The following PIM1 variants were observed in gnomAD, a reference collection of about 807,000 sequenced individuals.
The protein encoded by PIM1 is serine/threonine-protein kinase pim-1.
PIM1 carries 9 observed loss-of-function variants against 34.5 expected under a neutral mutation model. The observed-to-expected ratio is 0.26, with a 90% confidence interval of 0.16 to 0.46. The LOEUF is 0.46. Ranked by LOEUF, PIM1 falls within the 20% of genes least tolerant of loss-of-function variation. PIM1 has a pLI of 1.00. For synonymous variants in PIM1, 199 were observed against 175.2 expected (o/e 1.14, Z -1.07); for missense variants, 274 against 410.9 (o/e 0.67, Z 2.88).
Position 37,174,645 on chromosome 6 carries a change from C to A in PIM1, c.*554C>A. ...TTTGTTCCCTATTTTTCTCTCCTGT[C>A]CTCCCTCACCCCCTCCTTCATATGA... On this transcript the variant is annotated 3_prime_UTR_variant, in exon 6 of 6. Coordinates refer to ENST00000373509, the MANE Select transcript of PIM1 (RefSeq NM_002648.4). 1 of 233,908 alleles carries A rather than the reference C, an allele frequency of 4.3e-6. No homozygotes were observed. The highest frequency in any genetic ancestry group is 8.5e-6 in the Non-Finnish European group (1 of 118,224). The allele number at this position is 233,908 out of a possible 1,614,324, so 14.5% of individuals were successfully genotyped here. A position where few individuals can be genotyped will look rare whatever the true frequency, so the allele number is the denominator to read the frequency against.
rs1762288858 is a variant in PIM1, at chr6:37,171,639, C to T, written c.607+148C>T. 6 of 955,820 alleles carry T rather than the reference C, an allele frequency of 6.3e-6. No homozygotes were observed. In the African/African-American group the frequency reaches 8.3e-5, roughly 13 times the overall value. The allele number at this position is 955,820 out of a possible 1,614,324, so 59.2% of individuals were successfully genotyped here. ...TAGCCGGGGTGGGACGCAGGAGAGC[C>T]TCCCAGCGTAGTAAAGCCGGGGATT... On this transcript the variant is annotated intron_variant, in intron 4 of 5. Coordinates refer to ENST00000373509, the MANE Select transcript of PIM1 (RefSeq NM_002648.4).
intron 5 of PIM1, 46 bp downstream of exon 5, chr6:37,173,218 G>T: frequency 6.4e-7 from 1 of 1,560,626 alleles, no homozygotes; most frequent in South Asian, 1.1e-5. Flanking sequence ...GTCTTAATGG[G>T]GCTATTAGTC....
intron 4 of PIM1, chr6:37,172,319 T>G (rs1472251667): frequency 1.3e-5 from 4 of 306,724 alleles, no homozygotes; most frequent in African/African-American, 2.2e-5. Context: ...GGCCGGGTCC[T>G]CCCATGTTTT....
At position 37,171,358 on chromosome 6, in the gene PIM1, C is replaced by T. The variant is rs759215860; in HGVS notation, c.474C>T (p.Cys158=). The T allele has an allele frequency of 1.9e-5, 30 of 1,613,896 alleles. No homozygotes were observed. Among genetic ancestry groups the T allele is most frequent in the African/African-American group, 4.0e-5 (3 of 74,946 alleles). Reference sequence around the variant, plus strand: ...AGGTGCTGGAGGCCGTGCGGCACTGCCACAACTGCGGGGTGCTCCACCGCG... The same window carrying T: ...AGGTGCTGGAGGCCGTGCGGCACTGTCACAACTGCGGGGTGCTCCACCGCG... The part of the protein sequence containing the change: ...FWQVLEAVRH[C]HNCGVLHRDI... The change falls in exon 4 of 6, where the codon TGC becomes TGT. Residue 158 remains cysteine, a synonymous_variant. Transcript: ENST00000373509.
chr6:37,170,989 C>T lies in PIM1; in HGVS notation c.198C>T (p.Ile66=), dbSNP rs1033497376. The stretch of plus-strand genomic sequence containing the variant: ...AGACCCTGGGCTTCCAGGTGGCCAT[C>T]AAACACGTGGAGAAGGACCGGATTT... ...IRVSDNLPVA[I]KHVEKDRISD... The change falls in exon 3 of 6, where the codon ATC becomes ATT. Residue 66 remains isoleucine (I), a synonymous_variant. Coordinates refer to ENST00000373509, the MANE Select transcript of PIM1 (RefSeq NM_002648.4). 6.2e-7 allele frequency: 1 copy of T among 1,614,068 alleles called. No homozygotes were observed. The highest frequency in any genetic ancestry group is 8.5e-7 in the Non-Finnish European group (1 of 1,179,992).
rs1400741538 is a variant in PIM1 at position 37,170,337 on chromosome 6, C to A, written c.-239C>A. 5 of 1,496,400 alleles carry A rather than the reference C, an allele frequency of 3.3e-6. No individual in the cohort carries two copies. Among genetic ancestry groups the A allele is most frequent in the African/African-American group, 1.5e-5 (1 of 68,720 alleles). 92.7% of individuals were successfully genotyped at this position (1,496,400 alleles called of 1,614,324 possible). ...GAGCCCCACGAGCCGCTCACCCCGC[C>A]GTTCTCAGCGCTGCCCGACCCCGCT... On this transcript the variant is annotated 5_prime_UTR_variant, in exon 1 of 6. Coordinates refer to ENST00000373509, the MANE Select transcript of PIM1 (RefSeq NM_002648.4).
At chr6:37,171,539 G>A (rs771551633) in intron 4 of PIM1, 48 bp downstream of exon 4, 35 of 1,588,338 alleles carry the variant, frequency 2.2e-5, no homozygotes, top group Non-Finnish European at 3.0e-5. Context: ...GGCCCGGCCC[G>A]GCCCAGTCCG....
At chr6:37,173,581 A>G (rs1053753055) in intron 5 of PIM1, among the ~76,000 whole-genome samples, 1 of 152,100 alleles carries the variant, frequency 6.6e-6, no homozygotes, top group African/African-American at 2.4e-5. Context: ...TCGTGTTTGT[A>G]AGTTGGTAGG....
Position 37,172,996 on chromosome 6 carries a change from GGACCC to G in PIM1, c.611_615del (p.Thr204SerfsTer3). 6.2e-7 allele frequency: 1 copy of G among 1,613,850 alleles called. No homozygotes were observed. On this transcript the variant is annotated frameshift_variant and splice_region_variant, in exon 5 of 6. Transcript: ENST00000373509. LOFTEE classifies it high-confidence loss of function. ...TCTCTTCTATTCCCTTGGCTCACAGGGACCCGAGTGTATAGCCCTCCAGAGTGGAT... is the reference window on the plus strand; with the variant it reads ...TCTCTTCTATTCCCTTGGCTCACAGGGAGTGTATAGCCCTCCAGAGTGGAT...
chr6:37,171,388 C>T lies in PIM1; in HGVS notation c.504C>T (p.Ile168=). 6.2e-7 allele frequency: 1 copy of T among 1,614,112 alleles called. No individual in the cohort carries two copies. The highest frequency in any genetic ancestry group is 8.5e-7 in the Non-Finnish European group (1 of 1,180,052). ...CHNCGVLHRD[I]KDENILIDLN... ...ACTGCGGGGTGCTCCACCGCGACAT[C>T]AAGGACGAAAACATCCTTATCGACC... The change falls in exon 4 of 6, where the codon ATC becomes ATT. Residue 168 remains isoleucine (I), a synonymous_variant. Coordinates refer to ENST00000373509, the MANE Select transcript of PIM1 (RefSeq NM_002648.4).
chr6:37,173,660 C>A (rs947652193), intron 5 of PIM1, among the ~76,000 whole-genome samples: 7 of 152,130 alleles, frequency 4.6e-5, no homozygotes, highest in Non-Finnish European at 8.8e-5. Flanking sequence ...CTTCCTATTT[C>A]TGGTGAGTGG....
rs1482851610 is a variant in PIM1 at position 37,170,522 on chromosome 6, T to C, written c.-54T>C. 3 of 1,608,736 alleles carry C rather than the reference T, an allele frequency of 1.9e-6. No individual in the cohort carries two copies. The Admixed American group carries it at 5.0e-5, about 27-fold the overall frequency. ...CCTTCGGCACAGCCCCGGCTCCGGC[T>C]CCTGCGGCAGCTCCTCTGGGCACCG... is the stretch of plus-strand genomic sequence containing the variant. On this transcript the variant is annotated 5_prime_UTR_variant, in exon 1 of 6. Transcript: ENST00000373509.
Position 37,170,974 on chromosome 6 carries a change from C to T in PIM1, c.190-7C>T, listed in dbSNP as rs1418612432. On this transcript the variant is annotated splice_region_variant and splice_polypyrimidine_tract_variant and intron_variant, in intron 2 of 5. Coordinates refer to ENST00000373509, the MANE Select transcript of PIM1 (RefSeq NM_002648.4). ...GAGGGAACCTGACGGAGACCCTGGG[C>T]TTCCAGGTGGCCATCAAACACGTGG... The T allele has an allele frequency of 1.2e-6, 2 of 1,614,008 alleles. No homozygotes were observed. The highest frequency in any genetic ancestry group is 2.2e-5 in the East Asian group (1 of 44,854).
In PIM1 at chr6:37,174,577, C is replaced by T. The variant is rs1226652962; in HGVS notation, c.*486C>T. 4.3e-6 allele frequency: 1 copy of T among 234,138 alleles called. No individual in the cohort carries two copies. The highest frequency in any genetic ancestry group is 2.2e-5 in the African/African-American group (1 of 45,332). 14.5% of individuals were successfully genotyped at this position (234,138 alleles called of 1,614,324 possible). A position where few individuals can be genotyped will look rare whatever the true frequency, so the allele number is the denominator to read the frequency against. ...GGCTGTGCTGGGAGAAATACTTGAA[C>T]TTGCCTCTTTTACCTGCTGCTTCTC... is the stretch of plus-strand genomic sequence containing the variant. On this transcript the variant is annotated 3_prime_UTR_variant, in exon 6 of 6. Transcript: ENST00000373509.
At chr6:37,171,087 C>G in intron 3 of PIM1, 38 bp from the exon 4 acceptor site, 1 of 1,613,818 alleles carries the variant, frequency 6.2e-7, no homozygotes, top group Admixed American at 1.7e-5. Context: ...AGGGGCGCCC[C>G]CGACTCCCGC....
In PIM1 at chr6:37,173,992, C is replaced by A. The variant is rs148258857; in HGVS notation, c.843C>A (p.Phe281Leu). The change falls in exon 6 of 6, where the codon TTC becomes TTA. Residue 281 changes from phenylalanine to leucine, a missense_variant. Transcript: ENST00000373509. ...TGAGACCATCAGATAGGCCAACCTT[C>A]GAAGAAATCCAGAACCATCCATGGA... ...LALRPSDRPT[F>L]EEIQNHPWMQ... 1 of 1,614,068 alleles carries A rather than the reference C, an allele frequency of 6.2e-7. No individual in the cohort carries two copies. Among genetic ancestry groups the A allele is most frequent in the South Asian group, 1.1e-5 (1 of 91,082 alleles).
In PIM1 at chr6:37,174,522, CTCTT is replaced by C. The variant is rs1225617864; in HGVS notation, c.*435_*438del. 8.5e-6 allele frequency: 2 copies of C among 235,242 alleles called. No homozygotes were observed. Among genetic ancestry groups the C allele is most frequent in the East Asian group, 6.0e-5 (1 of 16,620 alleles). 14.6% of individuals were successfully genotyped at this position (235,242 alleles called of 1,614,324 possible). ...TTTAAGTCCCTGTCACCTCTTCCGA[CTCTT>C]TCTGAGTGCCTTCTGTGGGGACTCC... On this transcript the variant is annotated 3_prime_UTR_variant, in exon 6 of 6. Coordinates refer to ENST00000373509, the MANE Select transcript of PIM1 (RefSeq NM_002648.4).
chr6:37,170,183 C>T lies in PIM1; in HGVS notation c.-393C>T. The T allele has an allele frequency of 1.8e-6, 2 of 1,095,762 alleles. No individual in the cohort carries two copies. Among genetic ancestry groups the T allele is most frequent in the African/African-American group, 1.7e-5 (1 of 60,224 alleles). The allele number at this position is 1,095,762 out of a possible 1,614,324, so 67.9% of individuals were successfully genotyped here. The stretch of plus-strand genomic sequence containing the variant: ...GGCTGCGGGGCGAGCCGGGCGTCTG[C>T]TGCAGCGGCCGCGGTGGCTGAGGAG... On this transcript the variant is annotated 5_prime_UTR_variant, in exon 1 of 6. Coordinates refer to ENST00000373509, the MANE Select transcript of PIM1 (RefSeq NM_002648.4).
In PIM1 at chr6:37,174,784, G is replaced by A. The variant is rs375366211; in HGVS notation, c.*693G>A. On this transcript the variant is annotated 3_prime_UTR_variant, in exon 6 of 6. Transcript: ENST00000373509. ...CTTCCTTTTTGGTTTTTACTTAACT[G>A]TTTCAAAGCCAAGACCTCACACACA... 13 of 233,488 alleles carry A rather than the reference G, an allele frequency of 5.6e-5. No homozygotes were observed. In the East Asian group the frequency reaches 6.0e-4, roughly 11 times the overall value. 14.5% of individuals were successfully genotyped at this position (233,488 alleles called of 1,614,324 possible).
Sources: gnomAD v4.1 joint callset for allele counts (sites outside exome capture counted in the v4.1 genomes callset) on GRCh38, gnomAD v4.1.1 for gene constraint, MANE v1.5 for transcripts, NCBI Gene and HGNC (gene_info 2026-07-23, HGNC 2026-07-21) for gene names.